PROSER2: variants seen among roughly 807,000 people sequenced by gnomAD.
PROSER2 encodes the protein proline and serine-rich protein 2.
Under a neutral mutation model 14.6 loss-of-function variants are expected in PROSER2, and 18 were observed. The ratio of observed to expected loss-of-function variants is 1.23; its 90% CI spans 0.85 to 1.83. The LOEUF (loss-of-function observed/expected upper bound fraction) is 1.83. Among genes scored for constraint, PROSER2 ranks in the 40% most tolerant of loss-of-function variants. The pLI is 0.00. For synonymous variants in PROSER2, 367 were observed against 286.4 expected, an observed-to-expected ratio of 1.28 and a Z score of -2.84; for missense variants, 823 against 629.8, an observed-to-expected ratio of 1.31 and a Z score of -3.28.
Position 11,852,006 on chromosome 10 carries a change from G to C in PROSER2, c.-72G>C. On this transcript the variant is annotated 5_prime_UTR_variant, in exon 2 of 4. Coordinates refer to ENST00000277570, the MANE Select transcript of PROSER2 (RefSeq NM_153256.4). ...TGTTTGGTGTCTCTAGGAGTGAGCT[G>C]TTGCCGCAGAATGGGCTGCTGGCTC... 2.0e-6 allele frequency: 3 copies of C among 1,502,800 alleles called. No individual in the cohort carries two copies. Among genetic ancestry groups the C allele is most frequent in the Non-Finnish European group, 2.7e-6 (3 of 1,125,248 alleles). The allele number at this position is 1,502,800 out of a possible 1,614,324, so 93.1% of individuals were successfully genotyped here.
chr10:11,836,446 C>T lies in PROSER2; in HGVS notation c.-82+12976C>T, dbSNP rs541012800. The stretch of plus-strand genomic sequence containing the variant: ...TCCTGACCTCAGGTGATCCTCCCAC[C>T]TCGGCCTCCCAAAGTGCTGGGATTA... On this transcript the variant is annotated intron_variant, in intron 1 of 3. Transcript: ENST00000277570. This position sits in a 1 kb window ranked among gnomAD's most constrained non-coding sequence, Gnocchi z 4.6. Among the ~76,000 whole-genome samples, 1 of 152,316 alleles carries T rather than the reference C, an allele frequency of 6.6e-6. No homozygotes were observed. The highest frequency in any genetic ancestry group is 1.9e-4 in the East Asian group (1 of 5,190).
chr10:11,870,248 C>T lies in PROSER2; in HGVS notation c.1150C>T (p.Pro384Ser). ...CAGCACGCGGGCCCGTCAGAGCTTC[C>T]CCGGGCCCCGGCAGCCCAACGGCGC... is the stretch of plus-strand genomic sequence containing the variant. ...LPSTRARQSFPGPRQPNGAQD... is the reference protein window; with the variant it reads ...LPSTRARQSFSGPRQPNGAQD... The change falls in exon 4 of 4, where the codon CCC becomes TCC. Residue 384 changes from proline (P) to serine (S), a missense_variant. By Grantham distance (74) the Pro-to-Ser change is moderately conservative (BLOSUM62 -1). Transcript: ENST00000277570. 6.7e-7 allele frequency: 1 copy of T among 1,488,128 alleles called. No homozygotes were observed. Among genetic ancestry groups the T allele is most frequent in the Middle Eastern group, 2.3e-4 (1 of 4,360 alleles). The allele number at this position is 1,488,128 out of a possible 1,614,324, so 92.2% of individuals were successfully genotyped here.
At chr10:11,841,703 T>TTA (rs1833848142) in intron 1 of PROSER2, among the ~76,000 whole-genome samples, 1 of 152,218 alleles carries the variant, frequency 6.6e-6, no homozygotes, top group Non-Finnish European at 1.5e-5. Flanking sequence ...TTTAGTCTAT[T>TTA]GATTTCTAAT....
intron 2 of PROSER2, among the ~76,000 whole-genome samples, chr10:11,855,081 C>G (rs1834097654): frequency 6.7e-6 from 1 of 149,338 alleles, no homozygotes; most frequent in African/African-American, 2.4e-5. Flanking sequence ...TTAAGTAAAA[C>G]ATAACCTAGT....
chr10:11,835,301 G>A (rs928582784), intron 1 of PROSER2, among the ~76,000 whole-genome samples: 2 of 152,006 alleles, frequency 1.3e-5, no homozygotes, highest in African/African-American at 4.8e-5. Flanking sequence ...ACTTTAGTGT[G>A]GTGGGGACAG....
chr10:11,836,341 C>T lies in PROSER2; in HGVS notation c.-82+12871C>T, dbSNP rs927687120. Among the ~76,000 whole-genome samples, 8 of 152,104 alleles carry T rather than the reference C, an allele frequency of 5.3e-5. No individual in the cohort carries two copies. The East Asian group carries it at 5.8e-4, about 11-fold the overall frequency. On this transcript the variant is annotated intron_variant, in intron 1 of 3. Coordinates refer to ENST00000277570, the MANE Select transcript of PROSER2 (RefSeq NM_153256.4). The surrounding 1 kb of genome is among the most constrained non-coding windows in gnomAD (Gnocchi z 4.6). ...CTTCCCAAGTAGTTGGGATTACGGGCGCATACCACCACACCCGGCTAATTT... is the reference window on the plus strand; with the variant it reads ...CTTCCCAAGTAGTTGGGATTACGGGTGCATACCACCACACCCGGCTAATTT...
At chr10:11,826,261 A>G (rs1304197437) in intron 1 of PROSER2, among the ~76,000 whole-genome samples, 4 of 151,978 alleles carry the variant, frequency 2.6e-5, no homozygotes, top group Admixed American at 6.5e-5. Context: ...ATCGCATTCT[A>G]TTTACCCATT....
chr10:11,870,191 T>G lies in PROSER2; in HGVS notation c.1093T>G (p.Ser365Ala). Residue 365 changes from serine (S) to alanine (A), a missense_variant, in exon 4 of 4, where the codon TCC becomes GCC. Coordinates refer to ENST00000277570, the MANE Select transcript of PROSER2 (RefSeq NM_153256.4). The stretch of plus-strand genomic sequence containing the variant: ...CAGCTCCTTCGCGCCCGCTGGGAAG[T>G]CCCTCTGCTTCCGCCCTGGCCCGGC... Reference protein sequence around the residue: ...APSSFAPAGKSLCFRPGPALP... With the variant: ...APSSFAPAGKALCFRPGPALP... 1 of 1,487,146 alleles carries G rather than the reference T, an allele frequency of 6.7e-7. No individual in the cohort carries two copies. Among genetic ancestry groups the G allele is most frequent in the South Asian group, 1.3e-5 (1 of 79,918 alleles). 92.1% of individuals were successfully genotyped at this position (1,487,146 alleles called of 1,614,324 possible). A position where few individuals can be genotyped will look rare whatever the true frequency, so the allele number is the denominator to read the frequency against.
intron 2 of PROSER2, among the ~76,000 whole-genome samples, chr10:11,858,111 G>T (rs566281701): frequency 1.3e-5 from 2 of 151,796 alleles, no homozygotes; most frequent in South Asian, 4.2e-4. Flanking sequence ...ATTTTTTTTT[G>T]TATTTTTAGT....
rs1169662588 is a variant in PROSER2, at chr10:11,837,072, C to T, written c.-82+13602C>T. On this transcript the variant is annotated intron_variant, in intron 1 of 3. Transcript: ENST00000277570. The surrounding 1 kb of genome is among the most constrained non-coding windows in gnomAD (Gnocchi z 4.6). Reference sequence around the variant, plus strand: ...CAGATCAGCTGTCTATGTGGCCGTGCTTATGTTCAAGTCACTTTTATTTAA... The same window carrying T: ...CAGATCAGCTGTCTATGTGGCCGTGTTTATGTTCAAGTCACTTTTATTTAA... Among the ~76,000 whole-genome samples, 1 of 152,120 alleles carries T rather than the reference C, an allele frequency of 6.6e-6. No individual in the cohort carries two copies. The highest frequency in any genetic ancestry group is 1.5e-5 in the Non-Finnish European group (1 of 68,018).
Position 11,870,887 on chromosome 10 carries a change from T to TAATA in PROSER2, c.*482_*485dup, listed in dbSNP as rs1444299554. 5 of 164,870 alleles carry TAATA rather than the reference T, an allele frequency of 3.0e-5. No homozygotes were observed. The highest frequency in any genetic ancestry group is 2.1e-4 in the South Asian group (1 of 4,830). 10.2% of individuals were successfully genotyped at this position (164,870 alleles called of 1,614,324 possible). A position where few individuals can be genotyped will look rare whatever the true frequency, so the allele number is the denominator to read the frequency against. On this transcript the variant is annotated 3_prime_UTR_variant, in exon 4 of 4. Transcript: ENST00000277570. ...ATGCTTGTTTCATTTTTTAATGTCT[T>TAATA]AATATACTTGCTTTTGTTTTTGAAG...
chr10:11,867,393 C>T (rs1480158675), intron 3 of PROSER2, among the ~76,000 whole-genome samples: 1 of 151,264 alleles, frequency 6.6e-6, no homozygotes, highest in Non-Finnish European at 1.5e-5. Context: ...TTCTATTTTA[C>T]AGGCTGGGCG....
At position 11,869,499 on chromosome 10, in the gene PROSER2, C is replaced by G. The variant is rs775449035; in HGVS notation, c.401C>G (p.Pro134Arg). 4 of 1,613,202 alleles carry G rather than the reference C, an allele frequency of 2.5e-6. No homozygotes were observed. The highest frequency in any genetic ancestry group is 3.4e-6 in the Non-Finnish European group (4 of 1,179,376). The change falls in exon 4 of 4, where the codon CCT becomes CGT. Residue 134 changes from proline to arginine, a missense_variant. Physicochemically the swap from Pro to Arg is moderately radical, Grantham distance 103. Coordinates refer to ENST00000277570, the MANE Select transcript of PROSER2 (RefSeq NM_153256.4). The surrounding 1 kb of genome is among the most constrained non-coding windows in gnomAD (Gnocchi z 4.4). Reference sequence around the variant, plus strand: ...CTCCCTTGTCTTCCAGGGCCTGCACCTGCTGGGAAGGAGCACAGGAAACAA... The same window carrying G: ...CTCCCTTGTCTTCCAGGGCCTGCACGTGCTGGGAAGGAGCACAGGAAACAA... ...PEGTQAAGPA[P>R]AGKEHRKQDA...
At chr10:11,840,639 A>G (rs1481464787) in intron 1 of PROSER2, among the ~76,000 whole-genome samples, 2 of 151,962 alleles carry the variant, frequency 1.3e-5, no homozygotes, top group Non-Finnish European at 2.9e-5. Context: ...AAAATTAGAT[A>G]GTGGGGGCCA....
chr10:11,833,099 C>T (rs996617379), intron 1 of PROSER2, among the ~76,000 whole-genome samples: 2 of 152,118 alleles, frequency 1.3e-5, no homozygotes, highest in African/African-American at 4.8e-5. Flanking sequence ...CCACCTCAGC[C>T]TCCCAAAGTG....
intron 1 of PROSER2, among the ~76,000 whole-genome samples, chr10:11,839,573 T>A (rs574101834): frequency 7.2e-5 from 11 of 152,296 alleles, no homozygotes; most frequent in African/African-American, 2.6e-4. Flanking sequence ...ACGCCTGTAC[T>A]CCCAGCATTT....
chr10:11,838,342 C>T lies in PROSER2; in HGVS notation c.-81-13655C>T, dbSNP rs1223436187. 6.6e-6 allele frequency among the ~76,000 whole-genome samples: 1 copy of T among 152,230 alleles called. No homozygotes were observed. Among genetic ancestry groups the T allele is most frequent in the Non-Finnish European group, 1.5e-5 (1 of 68,052 alleles). On this transcript the variant is annotated intron_variant, in intron 1 of 3. Coordinates refer to ENST00000277570, the MANE Select transcript of PROSER2 (RefSeq NM_153256.4). This position sits in a 1 kb window ranked among gnomAD's most constrained non-coding sequence, Gnocchi z 4.4. The stretch of plus-strand genomic sequence containing the variant: ...TGCTTTGAAGGTCTGTGCATGGCCT[C>T]ATCCAGCTGATCTAACTGATGTGCA...
At position 11,870,299 on chromosome 10, in the gene PROSER2, C is replaced by CTG; in HGVS notation, c.1202_1203dup (p.Pro402CysfsTer50). On this transcript the variant is annotated frameshift_variant, in exon 4 of 4. Transcript: ENST00000277570. LOFTEE classifies it high-confidence loss of function. ...CCAGGACTGGCGCCGCGCAGACTCC[C>CTG]TGCCCCGGCCCCAGGGCATCACCGT... 1.3e-6 allele frequency: 2 copies of CTG among 1,494,154 alleles called. No homozygotes were observed. Among genetic ancestry groups the CTG allele is most frequent in the African/African-American group, 2.9e-5 (2 of 68,576 alleles). 92.6% of individuals were successfully genotyped at this position (1,494,154 alleles called of 1,614,324 possible). A position where few individuals can be genotyped will look rare whatever the true frequency, so the allele number is the denominator to read the frequency against.
chr10:11,852,323 G>A, intron 2 of PROSER2, 108 bp downstream of exon 2: 1 of 1,218,228 alleles, frequency 8.2e-7, no homozygotes, highest in Non-Finnish European at 1.1e-6. Context: ...GGGTCAACTA[G>A]CTTGATGTTC....
Sources: gnomAD v4.1 joint callset for allele counts (sites outside exome capture counted in the v4.1 genomes callset) on GRCh38, gnomAD v4.1.1 for gene constraint, Gnocchi (gnomAD v3.1) non-coding constraint, MANE v1.5 for transcripts, NCBI Gene and HGNC (gene_info 2026-07-23, HGNC 2026-07-21) for gene names.